Variants in ARHGAP32 observed in about 807,000 individuals in gnomAD.
ARHGAP32 encodes rho GTPase-activating protein 32.
ARHGAP32 carries 51 observed loss-of-function variants against 186.5 expected under a neutral mutation model. The ratio of observed to expected loss-of-function variants is 0.27; its 90% CI spans 0.22 to 0.35. The LOEUF (loss-of-function observed/expected upper bound fraction) is 0.35, where lower values mean the gene tolerates loss of function less well. Ranked by LOEUF, ARHGAP32 falls within the 10% of genes least tolerant of loss-of-function variation. The pLI is 1.00. For synonymous variants in ARHGAP32, 950 were observed against 964.3 expected, an observed-to-expected ratio of 0.99 and a Z score of 0.27; for missense variants, 2,186 against 2,623.5, an observed-to-expected ratio of 0.83 and a Z score of 3.64.
At chr11:129,088,956 C>A (rs1263041365) in intron 6 of ARHGAP32, among the ~76,000 whole-genome samples, 1 of 133,346 alleles carries the variant, frequency 7.5e-6, no homozygotes, top group Non-Finnish European at 1.5e-5. Flanking sequence ...TGTGATCATG[C>A]CACTGTACTC....
At chr11:129,251,134 AGG>A (rs1945177461) in intron 1 of ARHGAP32, among the ~76,000 whole-genome samples, 1 of 152,344 alleles carries the variant, frequency 6.6e-6, no homozygotes, top group African/African-American at 2.4e-5. Context: ...TATCTTGATG[AGG>A]CACCACTAAG....
chr11:129,076,983 T>C (rs914612949), intron 6 of ARHGAP32, among the ~76,000 whole-genome samples: 1 of 152,196 alleles, frequency 6.6e-6, no homozygotes, highest in African/African-American at 2.4e-5. Flanking sequence ...TCATCCTCAC[T>C]GGGGAACCCG....
chr11:129,165,250 A>G (rs1943610784), intron 1 of ARHGAP32, among the ~76,000 whole-genome samples: 2 of 152,012 alleles, frequency 1.3e-5, no homozygotes, highest in African/African-American at 4.8e-5. Context: ...GTAGGACAGG[A>G]TGCCAAGAAA....
chr11:128,974,585 G>C lies in ARHGAP32; in HGVS notation c.2612C>G (p.Pro871Arg), dbSNP rs150620556. 26 of 1,614,050 alleles carry C rather than the reference G, an allele frequency of 1.6e-5. No individual in the cohort carries two copies. Among genetic ancestry groups the C allele is most frequent in the Non-Finnish European group, 2.1e-5 (25 of 1,180,024 alleles). Residue 871 changes from proline (P) to arginine (R), a missense_variant, in exon 21 of 23, where the codon CCT becomes CGT. Transcript: ENST00000682385. ...GAATGGACTCAGTTTCTCCTGAAGA[G>C]GAGAGACAGGTTCAGAGCTTGCTGT... ...GSTASSEPVS[P>R]LQEKLSPFFT...
intron 1 of ARHGAP32, among the ~76,000 whole-genome samples, chr11:129,265,282 C>T (rs546154500): frequency 6.6e-6 from 1 of 152,162 alleles, no homozygotes; most frequent in East Asian, 1.9e-4. Context: ...AAAACCTTGA[C>T]TACTCAGAAC....
chr11:128,989,116 G>C (rs1945963255), intron 12 of ARHGAP32, among the ~76,000 whole-genome samples: 1 of 152,122 alleles, frequency 6.6e-6, no homozygotes, highest in Non-Finnish European at 1.5e-5. Flanking sequence ...TTCATTAACA[G>C]TATATTGTCA....
rs142898317 is a variant in ARHGAP32, at chr11:129,174,725, G to C, written c.117-10298C>G. Among the ~76,000 whole-genome samples the C allele has an allele frequency of 4.3e-3, 655 of 152,270 alleles. 12 individuals carry two copies. Among genetic ancestry groups the C allele is most frequent in the African/African-American group, 0.015 (624 of 41,556 alleles). The stretch of plus-strand genomic sequence containing the variant: ...CGGGTACTCCCACAGACCTGCAGCT[G>C]AGGATCCTGTCTGTTAGAAGGAAAA... On this transcript the variant is annotated intron_variant, in intron 1 of 22. Transcript: ENST00000682385.
chr11:129,253,146 T>C (rs910775425), intron 1 of ARHGAP32, among the ~76,000 whole-genome samples: 4 of 152,168 alleles, frequency 2.6e-5, no homozygotes, highest in Non-Finnish European at 5.9e-5. Context: ...AGATATGTTT[T>C]GGGGGAAGGA....
At chr11:128,984,541 T>G (rs992366430) in intron 15 of ARHGAP32, among the ~76,000 whole-genome samples, 1 of 152,144 alleles carries the variant, frequency 6.6e-6, no homozygotes, top group Non-Finnish European at 1.5e-5. Context: ...GTTAAAATTT[T>G]GGATAAAAAG....
intron 1 of ARHGAP32, among the ~76,000 whole-genome samples, chr11:129,276,717 A>G (rs1024808766): frequency 1.2e-4 from 18 of 152,262 alleles, no homozygotes; most frequent in Admixed American, 3.3e-4. Flanking sequence ...ACAATACTTT[A>G]CATATTTAAA....
At chr11:129,097,239 G>A (rs1236448326) in intron 5 of ARHGAP32, among the ~76,000 whole-genome samples, 1 of 152,138 alleles carries the variant, frequency 6.6e-6, no homozygotes, top group Non-Finnish European at 1.5e-5. Context: ...TGAGACAGGA[G>A]GATAGCTTGA....
chr11:129,220,415 A>G (rs745462387), intron 1 of ARHGAP32, among the ~76,000 whole-genome samples: 3 of 152,196 alleles, frequency 2.0e-5, no homozygotes, highest in Non-Finnish European at 4.4e-5. Context: ...GGAAAAATAC[A>G]TATATTTTAG....
intron 5 of ARHGAP32, among the ~76,000 whole-genome samples, chr11:129,096,872 C>A (rs1397209584): frequency 1.2e-4 from 19 of 152,162 alleles, no homozygotes; most frequent in Admixed American, 1.2e-3. Flanking sequence ...TCAAAAGCAA[C>A]TGACCTATTC....
intron 1 of ARHGAP32, among the ~76,000 whole-genome samples, chr11:129,174,752 TAACA>T (rs1366579310): frequency 6.6e-6 from 1 of 151,976 alleles, no homozygotes; most frequent in African/African-American, 2.4e-5. Flanking sequence ...GAAGGAAAAC[TAACA>T]AACAGAAAGC....
intron 1 of ARHGAP32, among the ~76,000 whole-genome samples, chr11:129,242,169 A>C (rs976105662): frequency 6.6e-5 from 10 of 152,180 alleles, no homozygotes; most frequent in South Asian, 2.1e-4. Flanking sequence ...AGGGTGAGAC[A>C]AGCAAACCAC....
rs997081572 is a variant in ARHGAP32 at position 128,966,082 on chromosome 11, G to A, written c.*2825C>T. ...TATTAATAAGAAAATGGCACCTCTGGGATTGTTAGCAAAATTTTTAGCCAG... is the reference window on the plus strand; with the variant it reads ...TATTAATAAGAAAATGGCACCTCTGAGATTGTTAGCAAAATTTTTAGCCAG... On this transcript the variant is annotated 3_prime_UTR_variant, in exon 23 of 23. Coordinates refer to ENST00000682385, the MANE Select transcript of ARHGAP32 (RefSeq NM_001378024.1). The A allele has an allele frequency of 8.5e-5, 13 of 152,222 alleles. No individual in the cohort carries two copies. The highest frequency in any genetic ancestry group is 1.8e-4 in the Non-Finnish European group (12 of 68,022). The allele number at this position is 152,222 out of a possible 1,614,324, so 9.4% of individuals were successfully genotyped here.
Position 129,245,462 on chromosome 11 carries a change from C to T in ARHGAP32, c.-5+33684G>A, listed in dbSNP as rs150544601. Among the ~76,000 whole-genome samples the T allele has an allele frequency of 4.5e-5, 6 of 132,246 alleles. No homozygotes were observed. The South Asian group carries it at 7.4e-4, about 16-fold the overall frequency. 86.8% of individuals were successfully genotyped at this position (132,246 alleles called of 152,430 possible). On this transcript the variant is annotated intron_variant, in intron 1 of 6. Transcript: ENST00000525234. ...TGGGGACTGTTGTGGGGTGGGGGGA[C>T]GGGGGAGGGATAGCATTGGGAGATA...
At chr11:129,025,134 C>G (rs900131498) in intron 11 of ARHGAP32, among the ~76,000 whole-genome samples, 1 of 152,078 alleles carries the variant, frequency 6.6e-6, no homozygotes, top group East Asian at 1.9e-4. Context: ...TATTTAAAAA[C>G]ATTATTTATC....
chr11:129,188,384 T>C (rs1207461072), intron 1 of ARHGAP32, among the ~76,000 whole-genome samples: 1 of 152,170 alleles, frequency 6.6e-6, no homozygotes, highest in African/African-American at 2.4e-5. Flanking sequence ...AATCTTGAAA[T>C]TGTTTTATGG....
Sources: allele counts gnomAD v4.1 joint callset (sites outside exome capture counted in the v4.1 genomes callset), GRCh38; gene constraint gnomAD v4.1.1; transcripts MANE v1.5; gene names NCBI Gene and HGNC (gene_info 2026-07-23, HGNC 2026-07-21).